Variants in NRG3 observed in about 807,000 individuals in gnomAD.
NRG3 encodes neuregulin 3.
NRG3 carries 31 observed loss-of-function variants against 66.9 expected under a neutral mutation model. That is an observed-to-expected ratio of 0.46 (90% CI 0.35 to 0.63). NRG3 has a LOEUF of 0.63. NRG3 is among the 20% of genes least tolerant of loss of function. NRG3 has a pLI of 0.00. For missense variants in NRG3, 910 were observed against 878.9 expected, an observed-to-expected ratio of 1.04 and a Z score of -0.45; for synonymous variants, 393 against 359.4, an observed-to-expected ratio of 1.09 and a Z score of -1.06.
At chr10:82,709,371 TG>T (rs372478894) in intron 2 of NRG3, among the ~76,000 whole-genome samples, 2 of 90,364 alleles carry the variant, frequency 2.2e-5, no homozygotes, top group Non-Finnish European at 5.1e-5. Flanking sequence ...TTTTTGTTTT[TG>T]TTTTTTGTTT....
chr10:82,741,767 C>T (rs534251800), intron 3 of NRG3, among the ~76,000 whole-genome samples: 27 of 152,198 alleles, frequency 1.8e-4, no homozygotes, highest in African/African-American at 4.8e-4. Flanking sequence ...AACTGAAGGG[C>T]GCTTTCCTCC....
At chr10:82,454,725 T>C (rs1250011288) in intron 2 of NRG3, among the ~76,000 whole-genome samples, 1 of 152,158 alleles carries the variant, frequency 6.6e-6, no homozygotes, top group African/African-American at 2.4e-5. Flanking sequence ...ACAGGTGATA[T>C]CTCTTTGATT....
At chr10:82,209,217 A>G (rs1826467780) in intron 1 of NRG3, among the ~76,000 whole-genome samples, 1 of 152,212 alleles carries the variant, frequency 6.6e-6, no homozygotes, top group African/African-American at 2.4e-5. Context: ...CAGCAGCAGC[A>G]GTAAAATGCT....
At chr10:82,245,123 GTGGGAGCCCTGAGCT>G (rs1320862498) in intron 1 of NRG3, among the ~76,000 whole-genome samples, 1 of 152,176 alleles carries the variant, frequency 6.6e-6, no homozygotes, top group Non-Finnish European at 1.5e-5. Context: ...TGTAGAATCA[GTGGGAGCCCTGAGCT>G]TGTGTTCCTG....
At chr10:82,286,665 G>A (rs2079436328) in intron 1 of NRG3, among the ~76,000 whole-genome samples, 1 of 152,106 alleles carries the variant, frequency 6.6e-6, no homozygotes, top group Non-Finnish European at 1.5e-5. Context: ...TCGGCTCACT[G>A]CAACCTCTGC....
chr10:82,288,985 T>G (rs890716479), intron 1 of NRG3, among the ~76,000 whole-genome samples: 73 of 152,176 alleles, frequency 4.8e-4, no homozygotes, highest in Admixed American at 1.7e-3. Flanking sequence ...GACAATGATT[T>G]GTAAGCACCT....
intron 2 of NRG3, among the ~76,000 whole-genome samples, chr10:82,464,947 G>T (rs890292710): frequency 2.6e-5 from 4 of 152,054 alleles, no homozygotes; most frequent in Non-Finnish European, 5.9e-5. Flanking sequence ...GGCCAGGAAT[G>T]CAGGCTTCTG....
intron 1 of NRG3, among the ~76,000 whole-genome samples, chr10:82,069,338 G>C (rs1269118764): frequency 1.3e-5 from 2 of 152,164 alleles, no homozygotes; most frequent in Non-Finnish European, 2.9e-5. Flanking sequence ...GAAATAACAG[G>C]TACTGATGTT....
chr10:82,158,486 G>T (rs1029296144), intron 1 of NRG3, among the ~76,000 whole-genome samples: 5 of 151,678 alleles, frequency 3.3e-5, no homozygotes, highest in African/African-American at 1.2e-4. Context: ...AAAATAGGAG[G>T]CCCTTTAAGA....
chr10:82,865,916 A>T (rs1319324376), intron 4 of NRG3, among the ~76,000 whole-genome samples: 4 of 152,130 alleles, frequency 2.6e-5, no homozygotes, highest in African/African-American at 9.7e-5. Context: ...TATCAATTTT[A>T]GTTTGGAGTG....
chr10:81,922,406 T>G (rs1846340467), intron 1 of NRG3, among the ~76,000 whole-genome samples: 1 of 152,206 alleles, frequency 6.6e-6, no homozygotes, highest in Non-Finnish European at 1.5e-5. Context: ...CCTTACACCC[T>G]CACATCCTTC....
In NRG3 at chr10:82,007,768, C is replaced by T. The variant is rs138888837; in HGVS notation, c.823+131605C>T. ...AGAAGTTTTAAAACCAGGATAGCAACCTCATGGGCCTATTTATGAAACAAT... is the reference window on the plus strand; with the variant it reads ...AGAAGTTTTAAAACCAGGATAGCAATCTCATGGGCCTATTTATGAAACAAT... On this transcript the variant is annotated intron_variant, in intron 1 of 8. Coordinates refer to ENST00000372141, the MANE Select transcript of NRG3 (RefSeq NM_001010848.4). 2.2e-4 allele frequency among the ~76,000 whole-genome samples: 34 copies of T among 151,708 alleles called. No individual in the cohort carries two copies. In the East Asian group the frequency reaches 5.2e-3, roughly 23 times the overall value.
At chr10:82,691,602 C>T (rs563204524) in intron 2 of NRG3, among the ~76,000 whole-genome samples, 23 of 152,250 alleles carry the variant, frequency 1.5e-4, no homozygotes, top group Non-Finnish European at 2.5e-4. Flanking sequence ...CTCAGTGTTA[C>T]TTTTTTATCT....
intron 1 of NRG3, among the ~76,000 whole-genome samples, chr10:81,949,010 C>G (rs1479176955): frequency 6.6e-6 from 1 of 152,086 alleles, no homozygotes; most frequent in Non-Finnish European, 1.5e-5. Context: ...GTATGGACAA[C>G]TTTACTTTTC....
chr10:82,455,103 G>A (rs1467874889), intron 2 of NRG3, among the ~76,000 whole-genome samples: 2 of 152,126 alleles, frequency 1.3e-5, no homozygotes, highest in Non-Finnish European at 2.9e-5. Context: ...TGGCTCCCTC[G>A]AGTAAGAAAA....
intron 2 of NRG3, among the ~76,000 whole-genome samples, chr10:82,472,022 T>C (rs1053141178): frequency 6.6e-6 from 1 of 152,064 alleles, no homozygotes; most frequent in African/African-American, 2.4e-5. Flanking sequence ...TTACTTAATA[T>C]GAGTGGATGG....
At chr10:81,916,308 G>C (rs1265254631) in intron 1 of NRG3, among the ~76,000 whole-genome samples, 1 of 152,080 alleles carries the variant, frequency 6.6e-6, no homozygotes, top group African/African-American at 2.4e-5. Flanking sequence ...AATATTTGCA[G>C]TTTACTACAT....
rs564896108 is a variant in NRG3 at position 81,969,956 on chromosome 10, TAGA to T, written c.823+93796_823+93798del. 9.8e-5 allele frequency among the ~76,000 whole-genome samples: 15 copies of T among 152,338 alleles called. No individual in the cohort carries two copies. In the South Asian group the frequency reaches 2.7e-3, roughly 27 times the overall value. Reference sequence around the variant, plus strand: ...TTTTTTAGCTGTCTATCTTTACTGCTAGAAGGAGATTTTTTAGAGGAGACTCCG... The same window carrying T: ...TTTTTTAGCTGTCTATCTTTACTGCTAGGAGATTTTTTAGAGGAGACTCCG... On this transcript the variant is annotated intron_variant, in intron 1 of 8. Coordinates refer to ENST00000372141, the MANE Select transcript of NRG3 (RefSeq NM_001010848.4).
intron 1 of NRG3, among the ~76,000 whole-genome samples, chr10:82,095,086 G>T (rs1204686049): frequency 6.6e-6 from 1 of 152,080 alleles, no homozygotes; most frequent in Non-Finnish European, 1.5e-5. Context: ...TTTCCTGGAA[G>T]CTTTCTCACA....
Sources: gnomAD v4.1 joint callset for allele counts (sites outside exome capture counted in the v4.1 genomes callset) on GRCh38, gnomAD v4.1.1 for gene constraint, MANE v1.5 for transcripts, NCBI Gene and HGNC (gene_info 2026-07-23, HGNC 2026-07-21) for gene names.